The following MSL3B variants were observed in gnomAD, a reference collection of about 807,000 sequenced individuals.
MSL3B encodes the protein MSL complex subunit 3 pseudogene 1.
the MSL3B span, chr2:233,866,756 C>T: frequency 4.9e-4 from 393 of 804,942 alleles, 3 homozygotes; most frequent in Non-Finnish European, 5.7e-5. Flanking sequence ...ATTCAACAAA[C>T]GTAAGCTGGG....
the MSL3B span, chr2:233,866,165 T>G: frequency 3.2e-6 from 2 of 625,702 alleles, no homozygotes; most frequent in Non-Finnish European, 6.3e-6. Flanking sequence ...GGTGCTGTAA[T>G]GCACCTCAGA....
At chr2:233,868,309 G>T in the MSL3B span, 1 of 237,718 alleles carries the variant, frequency 4.2e-6, no homozygotes, top group Non-Finnish European at 9.2e-6. Flanking sequence ...GAGATTTAAC[G>T]CGAAGAGAGA....
At chr2:233,868,284 G>A in the MSL3B span, 5 of 315,482 alleles carry the variant, frequency 1.6e-5, no homozygotes, top group East Asian at 1.9e-4. Context: ...CGCGGCACCA[G>A]GCTGCACGGC....
the MSL3B span, chr2:233,868,279 C>A: frequency 2.2e-5 from 7 of 316,856 alleles, no homozygotes; most frequent in African/African-American, 2.2e-5. Context: ...GCCTACGCGG[C>A]ACCAGGCTGC....
the MSL3B span, chr2:233,867,355 T>C: frequency 2.0e-5 from 12 of 609,404 alleles, no homozygotes; most frequent in Non-Finnish European, 3.6e-5. Context: ...AGAGGCCTTT[T>C]AAAAAAAGAC....
the MSL3B span, chr2:233,866,535 G>A: frequency 3.6e-6 from 4 of 1,096,102 alleles, no homozygotes; most frequent in East Asian, 4.7e-5. Context: ...TTTTCCAGGT[G>A]CAGGAACAGC....
the MSL3B span, chr2:233,866,625 T>C: frequency 6.2e-6 from 5 of 802,166 alleles, no homozygotes; most frequent in African/African-American, 1.7e-5. Context: ...CTGTCACAGT[T>C]GGCGGTGTGG....
At chr2:233,865,987 A>G in the MSL3B span, 61 of 371,200 alleles carry the variant, frequency 1.6e-4, no homozygotes, top group East Asian at 3.9e-3. Context: ...GGGAACTCAA[A>G]CAACAGGGCA....
chr2:233,867,005 C>T, the MSL3B span: 42 of 1,289,572 alleles, frequency 3.3e-5, no homozygotes, highest in African/African-American at 4.8e-4. Flanking sequence ...GTGATGGTGA[C>T]GAGGCCTCTC....
At chr2:233,868,195 G>A in the MSL3B span, 1 of 454,290 alleles carries the variant, frequency 2.2e-6, no homozygotes, top group East Asian at 7.2e-5. Context: ...GGATCTTTCT[G>A]CCTTTTTCGC....
the MSL3B span, chr2:233,867,487 T>C: frequency 2.1e-5 from 7 of 336,958 alleles, no homozygotes; most frequent in Middle Eastern, 9.8e-4. Flanking sequence ...TTCTTTCTTT[T>C]TTTTGTGACA....
the MSL3B span, among the ~76,000 whole-genome samples, chr2:233,865,258 G>A: frequency 6.6e-6 from 1 of 152,040 alleles, no homozygotes; most frequent in Non-Finnish European, 1.5e-5. Context: ...CTACCTTTGG[G>A]GCTGTCAGGT....
the MSL3B span, chr2:233,867,257 TCTTCA>T: frequency 4.0e-6 from 3 of 754,560 alleles, no homozygotes; most frequent in Non-Finnish European, 7.3e-6. Flanking sequence ...AATATCACAT[TCTTCA>T]CTTATTTTTT....
the MSL3B span, chr2:233,866,435 C>T: frequency 8.0e-7 from 1 of 1,247,396 alleles, no homozygotes; most frequent in Non-Finnish European, 1.2e-6. Context: ...TTCATTAGTT[C>T]TTCTCCCTTC....
At chr2:233,867,463 ATTTCTTTC>A in the MSL3B span, 7 of 383,526 alleles carry the variant, frequency 1.8e-5, no homozygotes, top group Admixed American at 4.5e-5. Flanking sequence ...TAATCTACGA[ATTTCTTTC>A]TTTCTTTCTT....
At chr2:233,867,070 C>T in the MSL3B span, 6 of 1,191,042 alleles carry the variant, frequency 5.0e-6, no homozygotes, top group South Asian at 1.2e-5. Flanking sequence ...ATTCCAAAAT[C>T]GTTATGATGT....
the MSL3B span, chr2:233,868,106 G>C: frequency 0.07 from 22,423 of 322,194 alleles, 895 homozygotes; most frequent in Middle Eastern, 0.1. Context: ...ATTTTCACTG[G>C]GCTCACGAAG....
At chr2:233,867,298 G>A in the MSL3B span, 1 of 717,514 alleles carries the variant, frequency 1.4e-6, no homozygotes, top group Non-Finnish European at 2.5e-6. Flanking sequence ...TACTGTCAGA[G>A]GAACTGCTTA....
At chr2:233,867,894 G>T in the MSL3B span, among the ~76,000 whole-genome samples, 26 of 148,870 alleles carry the variant, frequency 1.7e-4, no homozygotes, top group Non-Finnish European at 2.2e-4. Context: ...GGGTTGAAAC[G>T]ATTCTCCTGC....
Sources: allele counts gnomAD v4.1 joint callset (sites outside exome capture counted in the v4.1 genomes callset), GRCh38; gene constraint gnomAD v4.1.1; transcripts MANE v1.5; gene names NCBI Gene and HGNC (gene_info 2026-07-23, HGNC 2026-07-21).